Variants in PNKD observed in about 807,000 individuals in gnomAD.
The protein encoded by PNKD is PNKD metallo-beta-lactamase domain containing.
In PNKD, 36 loss-of-function variants were observed where a neutral mutation model predicts 45.3. The observed-to-expected ratio is 0.80, with a 90% CI of 0.61 to 1.05. PNKD has a LOEUF of 1.05. PNKD is among the 50% of genes least tolerant of loss of function. The pLI is 0.00. For missense variants in PNKD, 511 were observed against 506.6 expected, an observed-to-expected ratio of 1.01 and a Z score of -0.08; for synonymous variants, 197 against 210.1, an observed-to-expected ratio of 0.94 and a Z score of 0.54.
intron 2 of PNKD, among the ~76,000 whole-genome samples, chr2:218,303,574 C>G (rs1473536783): frequency 9.8e-6 from 1 of 101,668 alleles, no homozygotes; most frequent in Admixed American, 1.1e-4. Context: ...ACCTGCACTT[C>G]TTTTTTTTTT....
rs1693441124 is a variant in PNKD at position 218,307,306 on chromosome 2, A to G, written c.237-32477A>G. On this transcript the variant is annotated intron_variant, in intron 2 of 9. Transcript: ENST00000273077. ...ATTTATTGTGCACTAGATTTCTATT[A>G]TTATTACATTGTAATATATAATAAA... Among the ~76,000 whole-genome samples the G allele has an allele frequency of 2.6e-5, 4 of 151,962 alleles. No homozygotes were observed. In the South Asian group the frequency reaches 8.3e-4, roughly 32 times the overall value.
intron 2 of PNKD, among the ~76,000 whole-genome samples, chr2:218,299,926 T>G (rs1212306299): frequency 6.6e-6 from 1 of 151,238 alleles, no homozygotes; most frequent in Non-Finnish European, 1.5e-5. Context: ...CGGCTAATTT[T>G]TGTAATTTTT....
intron 2 of PNKD, among the ~76,000 whole-genome samples, chr2:218,325,198 CTTTTT>C (rs746439948): frequency 2.5e-5 from 1 of 39,764 alleles, no homozygotes; most frequent in Non-Finnish European, 4.0e-5. Context: ...CGCACCCGGC[CTTTTT>C]TTTTTTTTTT....
intron 2 of PNKD, among the ~76,000 whole-genome samples, chr2:218,271,841 G>A (rs1182441588): frequency 1.3e-5 from 2 of 152,192 alleles, no homozygotes; most frequent in African/African-American, 2.4e-5. Flanking sequence ...GTTTAAGTAA[G>A]TAGTTCGTTG....
chr2:218,292,300 A>G (rs894513949), intron 2 of PNKD, among the ~76,000 whole-genome samples: 16 of 152,078 alleles, frequency 1.1e-4, no homozygotes, highest in South Asian at 2.1e-4. Flanking sequence ...GCCAAGGGCC[A>G]GGAGGGGAGA....
chr2:218,310,407 A>G (rs1355802641), intron 2 of PNKD, among the ~76,000 whole-genome samples: 4 of 151,116 alleles, frequency 2.6e-5, no homozygotes, highest in African/African-American at 9.7e-5. Context: ...TATTTTTAGT[A>G]GAGATGGGGT....
Position 218,343,539 on chromosome 2 carries a change from C to G in PNKD, c.821C>G (p.Ser274Ter). The G allele has an allele frequency of 6.2e-7, 1 of 1,613,772 alleles. No homozygotes were observed. The highest frequency in any genetic ancestry group is 8.5e-7 in the Non-Finnish European group (1 of 1,179,854). ...FEGNAETMLS[S>*]LDTVLGLGDD... The stretch of plus-strand genomic sequence containing the variant: ...GGCAATGCAGAGACCATGCTGAGCT[C>G]ACTGGACACTGTGCTGGGGCTAGGG... The change falls in exon 8 of 10, where the codon TCA becomes TGA. Residue 274 changes from serine to a stop codon, truncating the protein, a stop_gained. Transcript: ENST00000273077. LOFTEE classifies it high-confidence loss of function.
chr2:218,273,738 C>T (rs1177465967), intron 2 of PNKD, among the ~76,000 whole-genome samples: 1 of 151,684 alleles, frequency 6.6e-6, no homozygotes, highest in African/African-American at 2.4e-5. Flanking sequence ...GTGATTCCCC[C>T]CCACCGCCCT....
In PNKD at chr2:218,275,585, G is replaced by A. The variant is rs751447108; in HGVS notation, c.236+4036G>A. On this transcript the variant is annotated intron_variant, in intron 2 of 9. Coordinates refer to ENST00000273077, the MANE Select transcript of PNKD (RefSeq NM_015488.5). The stretch of plus-strand genomic sequence containing the variant: ...TCCTCGGGGCTGATGGTGTGCTTCC[G>A]GTTCCCCAGGACCAGCTGTGTGTCG... 8.7e-6 allele frequency: 14 copies of A among 1,613,704 alleles called. No homozygotes were observed. The highest frequency in any genetic ancestry group is 3.3e-5 in the Admixed American group (2 of 59,956).
rs144922290 is a variant in PNKD, at chr2:218,323,112, T to C, written c.237-16671T>C. ...GGGGTGCTTGCCCGGCTGGAGGTGG[T>C]GAGGGGGCGGGTCCAAAGGAGAGGT... is the stretch of plus-strand genomic sequence containing the variant. On this transcript the variant is annotated intron_variant, in intron 2 of 9. Transcript: ENST00000273077. 10,130 of 1,209,496 alleles carry C rather than the reference T, an allele frequency of 8.4e-3. 547 individuals carry two copies. The African/African-American group carries it at 0.13, about 15-fold the overall frequency. The allele number at this position is 1,209,496 out of a possible 1,614,324, so 74.9% of individuals were successfully genotyped here. A position where few individuals can be genotyped will look rare whatever the true frequency, so the allele number is the denominator to read the frequency against.
At chr2:218,313,765 T>C (rs1693681555) in intron 2 of PNKD, among the ~76,000 whole-genome samples, 1 of 152,162 alleles carries the variant, frequency 6.6e-6, no homozygotes, top group Non-Finnish European at 1.5e-5. Flanking sequence ...TTATACAAAT[T>C]TGATGTCCCT....
At chr2:218,307,102 G>A (rs1000699449) in intron 2 of PNKD, among the ~76,000 whole-genome samples, 1 of 152,264 alleles carries the variant, frequency 6.6e-6, no homozygotes. Flanking sequence ...ACCTGAAGGA[G>A]AGGGTTGGGG....
At chr2:218,328,494 G>T (rs906484890) in intron 2 of PNKD, among the ~76,000 whole-genome samples, 4 of 152,166 alleles carry the variant, frequency 2.6e-5, no homozygotes. Context: ...TGGCTACACA[G>T]GGGGAGAAAC....
chr2:218,337,901 C>T (rs12993339), intron 2 of PNKD, among the ~76,000 whole-genome samples: 39,099 of 152,034 alleles, frequency 0.26, 5,194 homozygotes, highest in Middle Eastern at 0.4. Context: ...GTAATCCCAG[C>T]ACTTTGGGAG....
chr2:218,275,898 G>A, intron 2 of PNKD: 2 of 1,148,064 alleles, frequency 1.7e-6, no homozygotes, highest in Non-Finnish European at 2.5e-6. Flanking sequence ...TCTCTGGACA[G>A]TAGTGAGAGG....
intron 2 of PNKD, among the ~76,000 whole-genome samples, chr2:218,323,759 G>A (rs1370070073): frequency 2.0e-5 from 3 of 151,972 alleles, no homozygotes; most frequent in Non-Finnish European, 4.4e-5. Flanking sequence ...GGATAGTGCA[G>A]GAGCCAGGGC....
chr2:218,272,695 G>A lies in PNKD; in HGVS notation c.236+1146G>A, dbSNP rs570881931. ...TTGTCCAACACGGGCGAGTATGAGA[G>A]CCAGAGGTTCAGGGCTTCCTCCCAG... is the stretch of plus-strand genomic sequence containing the variant. On this transcript the variant is annotated intron_variant, in intron 2 of 9. Transcript: ENST00000273077. 43 of 1,614,238 alleles carry A rather than the reference G, an allele frequency of 2.7e-5. 1 individual carries two copies. The African/African-American group carries it at 3.9e-4, about 15-fold the overall frequency.
intron 2 of PNKD, among the ~76,000 whole-genome samples, chr2:218,299,540 G>T (rs886334480): frequency 6.6e-6 from 1 of 152,086 alleles, no homozygotes; most frequent in Admixed American, 6.6e-5. Context: ...AGCCCCCTGG[G>T]CTCAAGCCAT....
At position 218,344,544 on chromosome 2, in the gene PNKD, C is replaced by T. The variant is rs1009710207; in HGVS notation, c.958C>T (p.Arg320Trp). The change falls in exon 9 of 10, where the codon CGG becomes TGG. Residue 320 changes from arginine to tryptophan, a missense_variant. Physicochemically the swap from Arg to Trp is moderately radical, Grantham distance 101. Coordinates refer to ENST00000273077, the MANE Select transcript of PNKD (RefSeq NM_015488.5). ...ARERKMQWVQRQRLERKGTCP... is the reference protein window; with the variant it reads ...ARERKMQWVQWQRLERKGTCP... The stretch of plus-strand genomic sequence containing the variant: ...GGAGAGGAAGATGCAGTGGGTGCAG[C>T]GGCAGCGGCTGGAGCGCAAGGGCAC... The T allele has an allele frequency of 8.2e-6, 13 of 1,589,556 alleles. No individual in the cohort carries two copies. Among genetic ancestry groups the T allele is most frequent in the Non-Finnish European group, 1.0e-5 (12 of 1,167,876 alleles).
Sources: gnomAD v4.1 joint callset for allele counts (sites outside exome capture counted in the v4.1 genomes callset) on GRCh38, gnomAD v4.1.1 for gene constraint, MANE v1.5 for transcripts, NCBI Gene and HGNC (gene_info 2026-07-23, HGNC 2026-07-21) for gene names.